The following GPR183 variants were observed in gnomAD, a reference collection of about 807,000 sequenced individuals.
The protein encoded by GPR183 is G protein-coupled receptor 183.
In GPR183, 9 loss-of-function variants were observed where a neutral mutation model predicts 19.7. The ratio of observed to expected loss-of-function variants is 0.46; its 90% CI spans 0.28 to 0.80. The LOEUF is 0.80. Among genes scored for constraint, GPR183 ranks in the 30% least tolerant of loss-of-function variants. GPR183 has a pLI of 0.13. For missense variants in GPR183, 368 were observed against 446.7 expected, an observed-to-expected ratio of 0.82 and a Z score of 1.59; for synonymous variants, 160 against 155.1, an observed-to-expected ratio of 1.03 and a Z score of -0.24.
chr13:99,303,361 G>A (rs1286824683), intron 1 of GPR183, among the ~76,000 whole-genome samples: 3 of 152,188 alleles, frequency 2.0e-5, no homozygotes, highest in African/African-American at 4.8e-5. Flanking sequence ...GCTTGAGCAC[G>A]GGAATTCTTT....
Position 99,295,483 on chromosome 13 carries a change from G to A in GPR183, c.663C>T (p.Cys221=). The change falls in exon 2 of 2, where the codon TGC becomes TGT. Residue 221 remains cysteine (C), a synonymous_variant. Transcript: ENST00000376414. The surrounding 1 kb of genome is among the most constrained non-coding windows in gnomAD (Gnocchi z 4.1). ...IILICYSQIC[C]KLFRTAKQNP... is the part of the protein sequence containing the mutation. Reference sequence around the variant, plus strand: ...TTTGTTTGGCAGTTCTGAAGAGTTTGCAGCAGATCTGAGAATAGCAGATGA... The same window carrying A: ...TTTGTTTGGCAGTTCTGAAGAGTTTACAGCAGATCTGAGAATAGCAGATGA... 6.2e-7 allele frequency: 1 copy of A among 1,613,936 alleles called. No homozygotes were observed. The highest frequency in any genetic ancestry group is 1.3e-5 in the African/African-American group (1 of 75,006).
At chr13:99,305,987 C>G (rs550402698) in intron 1 of GPR183, among the ~76,000 whole-genome samples, 1 of 152,080 alleles carries the variant, frequency 6.6e-6, no homozygotes, top group Non-Finnish European at 1.5e-5. Flanking sequence ...CCTCCGCCTC[C>G]CAGGTTCAAG....
At chr13:99,303,164 T>A (rs2138736752) in intron 1 of GPR183, among the ~76,000 whole-genome samples, 1 of 152,270 alleles carries the variant, frequency 6.6e-6, no homozygotes, top group Admixed American at 6.5e-5. Context: ...GAAAGGCCAT[T>A]TATAGGACCA....
chr13:99,302,568 A>G (rs952852364), intron 1 of GPR183, among the ~76,000 whole-genome samples: 1 of 152,172 alleles, frequency 6.6e-6, no homozygotes, highest in African/African-American at 2.4e-5. Flanking sequence ...GCCCAGTGTC[A>G]CACATACTGG....
intron 1 of GPR183, among the ~76,000 whole-genome samples, chr13:99,297,685 A>G (rs561418566): frequency 5.9e-5 from 9 of 152,250 alleles, no homozygotes; most frequent in African/African-American, 2.2e-4. Flanking sequence ...CAGAAAAGAG[A>G]CAATGGGAAA....
intron 1 of GPR183, among the ~76,000 whole-genome samples, chr13:99,298,173 G>A (rs1453231703): frequency 1.3e-5 from 2 of 152,120 alleles, no homozygotes; most frequent in African/African-American, 2.4e-5. Context: ...AGAGATTAAA[G>A]ACTTATTTAC....
intron 1 of GPR183, among the ~76,000 whole-genome samples, chr13:99,306,800 C>G (rs2044343483): frequency 6.6e-6 from 1 of 152,102 alleles, no homozygotes; most frequent in Non-Finnish European, 1.5e-5. Context: ...GATTGGTACT[C>G]TTTGCTGGCG....
chr13:99,296,506 C>T (rs1454842750), intron 1 of GPR183, among the ~76,000 whole-genome samples: 1 of 152,100 alleles, frequency 6.6e-6, no homozygotes, highest in Non-Finnish European at 1.5e-5. Context: ...ATTCCCCTTC[C>T]CTTTTTTGAA....
intron 1 of GPR183, among the ~76,000 whole-genome samples, chr13:99,296,886 A>T (rs1031438220): frequency 1.3e-5 from 2 of 152,204 alleles, no homozygotes; most frequent in Non-Finnish European, 2.9e-5. Context: ...AACTCTATCA[A>T]TCTGCAAGTA....
intron 1 of GPR183, among the ~76,000 whole-genome samples, chr13:99,300,154 C>G (rs968617391): frequency 4.6e-5 from 7 of 152,232 alleles, no homozygotes; most frequent in Admixed American, 3.9e-4. Context: ...GGAGAGGTGC[C>G]TTCCCAAATG....
intron 1 of GPR183, among the ~76,000 whole-genome samples, chr13:99,299,290 A>G (rs1343891719): frequency 2.0e-5 from 3 of 152,380 alleles, no homozygotes; most frequent in African/African-American, 4.8e-5. Flanking sequence ...ATTTTATGGC[A>G]TAGCCATACA....
chr13:99,299,920 A>G (rs2044233376), intron 1 of GPR183, among the ~76,000 whole-genome samples: 1 of 152,212 alleles, frequency 6.6e-6, no homozygotes, highest in South Asian at 2.1e-4. Context: ...ATGCCATGCT[A>G]GATCCCTCTC....
intron 1 of GPR183, among the ~76,000 whole-genome samples, chr13:99,299,022 GA>G (rs1198325541): frequency 1.3e-5 from 2 of 151,864 alleles, no homozygotes; most frequent in Admixed American, 6.5e-5. Context: ...TACATGGCAG[GA>G]AAAAAATACT....
chr13:99,301,187 A>G (rs2044252133), intron 1 of GPR183, among the ~76,000 whole-genome samples: 1 of 152,226 alleles, frequency 6.6e-6, no homozygotes, highest in Admixed American at 6.5e-5. Flanking sequence ...GAGGGACAGG[A>G]GTCAGGACAG....
At chr13:99,302,027 A>G (rs1167824114) in intron 1 of GPR183, among the ~76,000 whole-genome samples, 3 of 152,186 alleles carry the variant, frequency 2.0e-5, no homozygotes, top group Admixed American at 6.5e-5. Context: ...ATGATCACCA[A>G]TTGGAGGTGA....
At chr13:99,299,543 A>T (rs796476748) in intron 1 of GPR183, among the ~76,000 whole-genome samples, 6 of 152,276 alleles carry the variant, frequency 3.9e-5, no homozygotes, top group African/African-American at 1.4e-4. Flanking sequence ...CATATATTCT[A>T]GATTTTTAAT....
Position 99,296,023 on chromosome 13 carries a change from G to A in GPR183, c.123C>T (p.Val41=), listed in dbSNP as rs1437964735. 4 of 1,613,862 alleles carry A rather than the reference G, an allele frequency of 2.5e-6. No homozygotes were observed. In the Admixed American group the frequency reaches 6.7e-5, roughly 27 times the overall value. The change falls in exon 2 of 2, where the codon GTC becomes GTT. Residue 41 remains valine, a synonymous_variant. Coordinates refer to ENST00000376414, the MANE Select transcript of GPR183 (RefSeq NM_004951.5). ...AGTTTCCCACGAGCCCAATGATGAA[G>A]ACGAGGCTGTAATGCAGAGGCATTA... The part of the protein sequence containing the change: ...RIVMPLHYSL[V]FIIGLVGNLL...
chr13:99,304,325 A>C (rs1051220451), intron 1 of GPR183, among the ~76,000 whole-genome samples: 11 of 152,138 alleles, frequency 7.2e-5, no homozygotes, highest in Admixed American at 2.0e-4. Context: ...CTTAGTTCTA[A>C]GTATCCCAGG....
At chr13:99,296,897 C>G (rs2044183501) in intron 1 of GPR183, among the ~76,000 whole-genome samples, 1 of 151,546 alleles carries the variant, frequency 6.6e-6, no homozygotes, top group South Asian at 2.1e-4. Context: ...TCTGCAAGTA[C>G]TCCATGGATC....
Sources: gnomAD v4.1 joint callset for allele counts (sites outside exome capture counted in the v4.1 genomes callset) on GRCh38, gnomAD v4.1.1 for gene constraint, Gnocchi (gnomAD v3.1) non-coding constraint, MANE v1.5 for transcripts, NCBI Gene and HGNC (gene_info 2026-07-23, HGNC 2026-07-21) for gene names.